The following ATRX variants were observed in gnomAD, a reference collection of about 807,000 sequenced individuals.
ATRX encodes ATRX chromatin remodeler.
Under a neutral mutation model 172.6 loss-of-function variants are expected in ATRX, and 12 were observed. The observed-to-expected ratio is 0.07, with a 90% CI of 0.04 to 0.11. The LOEUF is 0.11. Among genes scored for constraint, ATRX ranks in the 10% least tolerant of loss-of-function variants. The probability of loss-of-function intolerance (pLI) is 1.00; values close to 1 mark genes in which losing one functional copy is unlikely to be tolerated. For synonymous variants in ATRX, 674 were observed against 594.7 expected, an observed-to-expected ratio of 1.13 and a Z score of -1.94; for missense variants, 1,368 against 1,767.4, an observed-to-expected ratio of 0.77 and a Z score of 4.05.
intron 30 of ATRX, among the ~76,000 whole-genome samples, chrX:77,550,706 T>C (rs1454574053): frequency 9.0e-6 from 1 of 111,475 alleles, no homozygotes; most frequent in Non-Finnish European, 1.9e-5. Flanking sequence ...TGACTGTATA[T>C]CTAGAAAACC....
chrX:77,689,404 T>G (rs782017922), intron 6 of ATRX, among the ~76,000 whole-genome samples: 1 of 112,443 alleles, frequency 8.9e-6, no homozygotes, highest in South Asian at 3.7e-4. Flanking sequence ...TGTAAAAACT[T>G]GGTAATTTTA....
intron 12 of ATRX, among the ~76,000 whole-genome samples, chrX:77,662,311 T>C (rs891615073): frequency 1.8e-5 from 2 of 111,699 alleles, no homozygotes; most frequent in Admixed American, 9.5e-5. Context: ...GCTGGAAACA[T>C]GTAAGCCCTC....
intron 27 of ATRX, among the ~76,000 whole-genome samples, chrX:77,576,938 T>C (rs1024238627): frequency 3.6e-5 from 4 of 112,313 alleles, no homozygotes; most frequent in African/African-American, 1.3e-4. Flanking sequence ...TTCCACCATG[T>C]GTCAAAGTTT....
At chrX:77,643,127 A>C (rs2068738317) in intron 15 of ATRX, among the ~76,000 whole-genome samples, 1 of 111,827 alleles carries the variant, frequency 8.9e-6, no homozygotes, top group Non-Finnish European at 1.9e-5. Context: ...GGAGCAAAGC[A>C]GATGTTATTT....
At chrX:77,681,258 T>C (rs2071171609) in intron 9 of ATRX, among the ~76,000 whole-genome samples, 1 of 111,888 alleles carries the variant, frequency 8.9e-6, no homozygotes, top group Non-Finnish European at 1.9e-5. Flanking sequence ...AGAAAAGCAC[T>C]AAACATTGAT....
intron 32 of ATRX, chrX:77,521,748 G>T: frequency 3.6e-6 from 1 of 281,201 alleles, no homozygotes; most frequent in South Asian, 7.5e-5. Context: ...GAATCCATAA[G>T]CACATTTTAT....
rs995178482 is a variant in ATRX at position 77,582,652 on chromosome X, A to G, written c.6217+7182T>C. Among the ~76,000 whole-genome samples the G allele has an allele frequency of 8.0e-5, 9 of 111,964 alleles. No homozygotes were observed. In the East Asian group the frequency reaches 1.7e-3, roughly 21 times the overall value. On this transcript the variant is annotated intron_variant, in intron 27 of 34. Transcript: ENST00000373344. The stretch of plus-strand genomic sequence containing the variant: ...CCCAAAAAAATAAAATCAGAGATGA[A>G]AATAAAGATATTACAACTGTTACAG...
At chrX:77,699,030 G>A in intron 2 of ATRX, 5 of 146,270 alleles carry the variant, frequency 3.4e-5, no homozygotes, top group East Asian at 2.2e-4. Context: ...CAAGGAGAAG[G>A]AAATAATAAA....
At chrX:77,785,185 C>G (rs1417587038) in intron 1 of ATRX, among the ~76,000 whole-genome samples, 1 of 111,249 alleles carries the variant, frequency 9.0e-6, no homozygotes, top group Non-Finnish European at 1.9e-5. Context: ...CCACGTTAAC[C>G]TGCCCTTCAT....
chrX:77,692,664 GT>G (rs1479560256), intron 6 of ATRX, among the ~76,000 whole-genome samples: 2 of 111,367 alleles, frequency 1.8e-5, no homozygotes, highest in African/African-American at 6.5e-5. Context: ...TTAGTGTCAT[GT>G]TCTATCATTT....
chrX:77,639,575 G>C (rs956947618), intron 15 of ATRX, among the ~76,000 whole-genome samples: 1 of 111,394 alleles, frequency 9.0e-6, no homozygotes, highest in Non-Finnish European at 1.9e-5. Flanking sequence ...TAAGTGTGTG[G>C]TACATTTTAA....
At chrX:77,547,226 G>A (rs1157532288) in intron 30 of ATRX, among the ~76,000 whole-genome samples, 2 of 111,265 alleles carry the variant, frequency 1.8e-5, no homozygotes, top group Non-Finnish European at 3.8e-5. Context: ...ACTTTTTAAA[G>A]TCTATCCTAA....
At chrX:77,735,820 A>G (rs1361483644) in intron 1 of ATRX, among the ~76,000 whole-genome samples, 8 of 97,753 alleles carry the variant, frequency 8.2e-5, no homozygotes, top group African/African-American at 3.0e-4. Context: ...AAATAAATAA[A>G]TAAATAAATA....
intron 22 of ATRX, among the ~76,000 whole-genome samples, chrX:77,601,797 CATT>C (rs1265478595): frequency 8.9e-6 from 1 of 111,736 alleles, no homozygotes; most frequent in Non-Finnish European, 1.9e-5. Context: ...TGATATGAAA[CATT>C]AATAATGCAT....
chrX:77,584,264 A>G (rs1557075633), intron 27 of ATRX, among the ~76,000 whole-genome samples: 1 of 111,827 alleles, frequency 8.9e-6, no homozygotes, highest in Non-Finnish European at 1.9e-5. Flanking sequence ...CTACAGATTC[A>G]TTACAATCTG....
chrX:77,568,920 C>G (rs991771817), intron 28 of ATRX, among the ~76,000 whole-genome samples: 15 of 111,259 alleles, frequency 1.3e-4, no homozygotes, highest in Non-Finnish European at 3.8e-5. Flanking sequence ...CATAAAAACT[C>G]AGAAAATTAA....
chrX:77,633,523 C>G (rs782391441), intron 18 of ATRX, 43 bp downstream of exon 18: 1 of 1,167,618 alleles, frequency 8.6e-7, no homozygotes, highest in Non-Finnish European at 1.2e-6. Flanking sequence ...ATATGAATTT[C>G]ATGTGACTAT....
Position 77,633,523 on chromosome X carries a change from C to A in ATRX, c.4956+43G>T, listed in dbSNP as rs782391441. 1.1e-5 allele frequency: 13 copies of A among 1,165,932 alleles called. No individual in the cohort carries two copies. The Admixed American group carries it at 3.0e-4, about 26-fold the overall frequency. On this transcript the variant is annotated intron_variant, in intron 18 of 34. Transcript: ENST00000373344. ...TAAAAATAGTTTACTATATGAATTT[C>A]ATGTGACTATTTTAATAATAGAAAA...
At chrX:77,748,361 G>A (rs537039408) in intron 1 of ATRX, among the ~76,000 whole-genome samples, 2 of 110,951 alleles carry the variant, frequency 1.8e-5, no homozygotes, top group African/African-American at 6.6e-5. Context: ...AGATAGGTTA[G>A]GCATCAGTAG....
Sources: gnomAD v4.1 joint callset for allele counts (sites outside exome capture counted in the v4.1 genomes callset) on GRCh38, gnomAD v4.1.1 for gene constraint, MANE v1.5 for transcripts, NCBI Gene and HGNC (gene_info 2026-07-23, HGNC 2026-07-21) for gene names.